KALRN: variants seen among roughly 807,000 people sequenced by gnomAD.
KALRN encodes the protein kalirin.
In KALRN, 70 loss-of-function variants were observed where a neutral mutation model predicts 353.7. The observed-to-expected ratio is 0.20, with a 90% CI of 0.16 to 0.24. The LOEUF (loss-of-function observed/expected upper bound fraction) is 0.24. Ranked by LOEUF, KALRN falls within the 10% of genes least tolerant of loss-of-function variation. KALRN has a pLI of 1.00. For synonymous variants in KALRN, 1,391 were observed against 1,434.8 expected (o/e 0.97, Z 0.69); for missense variants, 2,791 against 3,756.7 (o/e 0.74, Z 6.72).
chr3:124,680,068 T>C (rs1458346552), intron 51 of KALRN, among the ~76,000 whole-genome samples: 1 of 152,080 alleles, frequency 6.6e-6, no homozygotes, highest in Non-Finnish European at 1.5e-5. Context: ...GCAAATAAGG[T>C]GTAATTGTAG....
chr3:124,630,630 G>C (rs901409465), intron 34 of KALRN, among the ~76,000 whole-genome samples: 6 of 152,126 alleles, frequency 3.9e-5, no homozygotes, highest in African/African-American at 1.4e-4. Flanking sequence ...CCTATGAGCT[G>C]TATGTCCTTA....
Position 124,152,090 on chromosome 3 carries a change from T to C in KALRN, c.74-75900T>C, listed in dbSNP as rs1008194597. The C allele has an allele frequency of 4.7e-6, 6 of 1,267,350 alleles. No homozygotes were observed. The Admixed American group carries it at 6.7e-5, about 14-fold the overall frequency. 78.5% of individuals were successfully genotyped at this position (1,267,350 alleles called of 1,614,324 possible). ...TAATTTAAAGGGCCACAGGAAGTTATTTGCTTCTTTGAAGCGTTTTCCAAC... is the reference window on the plus strand; with the variant it reads ...TAATTTAAAGGGCCACAGGAAGTTACTTGCTTCTTTGAAGCGTTTTCCAAC... On this transcript the variant is annotated intron_variant, in intron 1 of 59. Coordinates refer to ENST00000682506, the MANE Select transcript of KALRN (RefSeq NM_001388419.1).
At chr3:124,095,314 C>A (rs757223805) in intron 1 of KALRN, among the ~76,000 whole-genome samples, 10 of 152,232 alleles carry the variant, frequency 6.6e-5, no homozygotes, top group Non-Finnish European at 1.3e-4. Flanking sequence ...CAAGTCTCAG[C>A]TCTGCCACTG....
At chr3:124,324,072 C>T (rs562942018) in intron 6 of KALRN, among the ~76,000 whole-genome samples, 1 of 152,342 alleles carries the variant, frequency 6.6e-6, no homozygotes, top group East Asian at 1.9e-4. Flanking sequence ...TTCCTCACCC[C>T]TCAGTGGGAC....
intron 33 of KALRN, chr3:124,562,621 T>TCGCCGTATC: frequency 2.8e-6 from 1 of 358,500 alleles, no homozygotes; most frequent in South Asian, 2.2e-5. Context: ...AGCACTGTGC[T>TCGCCGTATC]AATTACATTT....
chr3:124,066,074 G>A (rs1297754680), intron 1 of KALRN, among the ~76,000 whole-genome samples: 1 of 152,160 alleles, frequency 6.6e-6, no homozygotes, highest in Non-Finnish European at 1.5e-5. Context: ...GTGTTGTCAG[G>A]GAGAGGGGCA....
chr3:124,225,759 A>C (rs2078416868), intron 1 of KALRN, among the ~76,000 whole-genome samples: 1 of 152,208 alleles, frequency 6.6e-6, no homozygotes, highest in Non-Finnish European at 1.5e-5. Context: ...ACCCTTCCTT[A>C]AGATCTTATG....
intron 51 of KALRN, among the ~76,000 whole-genome samples, chr3:124,687,230 ACT>A: frequency 6.6e-6 from 1 of 152,036 alleles, no homozygotes; most frequent in Non-Finnish European, 1.5e-5. Flanking sequence ...ACTCCAAAAC[ACT>A]CATACATAAA....
rs193017861 is a variant in KALRN, at chr3:124,144,939, G to C, written c.74-83051G>C. Among the ~76,000 whole-genome samples the C allele has an allele frequency of 1.0e-3, 153 of 152,300 alleles. 2 individuals carry two copies. The highest frequency in any genetic ancestry group is 3.3e-3 in the African/African-American group (136 of 41,568). On this transcript the variant is annotated intron_variant, in intron 1 of 59. Transcript: ENST00000682506. ...TCTTACTCTGTAGAAGTTGAGGCCA[G>C]TGGTATTTGTGGAGCCTTCTGGGTG...
chr3:124,720,687 T>C lies in KALRN; in HGVS notation c.*1217T>C, dbSNP rs1358747417. ...CACCATGCAGCCGCTGATAGTTCTC[T>C]GAACTAAAAGGACTAATTGTACTTT... On this transcript the variant is annotated 3_prime_UTR_variant, in exon 60 of 60. Transcript: ENST00000682506. 3 of 152,478 alleles carry C rather than the reference T, an allele frequency of 2.0e-5. No individual in the cohort carries two copies. Among genetic ancestry groups the C allele is most frequent in the Non-Finnish European group, 2.9e-5 (2 of 68,040 alleles). 9.4% of individuals were successfully genotyped at this position (152,478 alleles called of 1,614,324 possible).
At chr3:124,124,183 GA>G (rs1423357978) in intron 1 of KALRN, among the ~76,000 whole-genome samples, 1 of 152,198 alleles carries the variant, frequency 6.6e-6, no homozygotes, top group African/African-American at 2.4e-5. Flanking sequence ...TGGTTCGTGG[GA>G]GGAGGTCAAA....
chr3:124,559,439 G>A (rs939275028), intron 33 of KALRN, among the ~76,000 whole-genome samples: 8 of 152,190 alleles, frequency 5.3e-5, no homozygotes, highest in African/African-American at 1.9e-4. Context: ...TAGGGAATTA[G>A]GCAGAGAAAA....
chr3:124,180,240 C>T (rs2073386974), intron 1 of KALRN, among the ~76,000 whole-genome samples: 1 of 152,176 alleles, frequency 6.6e-6, no homozygotes, highest in African/African-American at 2.4e-5. Context: ...GGCACGAGTG[C>T]CTGGTTTTTC....
chr3:124,473,967 T>G (rs2061194573), intron 25 of KALRN, among the ~76,000 whole-genome samples: 1 of 152,198 alleles, frequency 6.6e-6, no homozygotes, highest in African/African-American at 2.4e-5. Context: ...ATTTATATCC[T>G]ATGAACCCAA....
chr3:124,118,513 T>C (rs1280144775), intron 1 of KALRN, among the ~76,000 whole-genome samples: 4 of 152,184 alleles, frequency 2.6e-5, no homozygotes, highest in African/African-American at 9.7e-5. Context: ...AAGCATTCCG[T>C]GGAGTTGCAG....
chr3:124,188,494 G>A (rs1217699593), intron 1 of KALRN, among the ~76,000 whole-genome samples: 3 of 152,202 alleles, frequency 2.0e-5, no homozygotes, highest in Non-Finnish European at 4.4e-5. Flanking sequence ...AGAAATTGGT[G>A]TCTAGCACCC....
At chr3:124,347,371 C>CTGTGTGTGTGTGTGTGTG (rs10663884) in intron 10 of KALRN, 106 bp downstream of exon 10, 2 of 564,086 alleles carry the variant, frequency 3.5e-6, no homozygotes, top group African/African-American at 5.0e-5. Flanking sequence ...AGGTGAGAAG[C>CTGTGTGTGTGTGTGTGTG]TGTGTGTGTG....
chr3:124,090,926 C>G (rs1033730988), intron 1 of KALRN, among the ~76,000 whole-genome samples: 1 of 152,158 alleles, frequency 6.6e-6, no homozygotes, highest in Non-Finnish European at 1.5e-5. Context: ...GGAGGGTGGA[C>G]TTGAATTTCA....
chr3:124,152,123 A>G (rs1027096205), intron 1 of KALRN: 2 of 1,281,312 alleles, frequency 1.6e-6, no homozygotes, highest in African/African-American at 2.9e-5. Flanking sequence ...AACATTATAG[A>G]TCTCATGAAT....
Sources: gnomAD v4.1 joint callset for allele counts (sites outside exome capture counted in the v4.1 genomes callset) on GRCh38, gnomAD v4.1.1 for gene constraint, MANE v1.5 for transcripts, NCBI Gene and HGNC (gene_info 2026-07-23, HGNC 2026-07-21) for gene names.